Variants in NLGN4X observed in about 807,000 individuals in gnomAD.
NLGN4X encodes the protein neuroligin-4, X-linked.
NLGN4X carries 3 observed loss-of-function variants against 40.3 expected under a neutral mutation model. The observed-to-expected ratio is 0.07, with a 90% confidence interval of 0.03 to 0.19. The LOEUF is 0.19. Among genes scored for constraint, NLGN4X ranks in the 10% least tolerant of loss-of-function variants. The pLI, the probability that NLGN4X is intolerant of heterozygous loss-of-function variation, is 1.00. For missense variants in NLGN4X, 382 were observed against 708.3 expected, an observed-to-expected ratio of 0.54 and a Z score of 5.23; for synonymous variants, 270 against 306.8, an observed-to-expected ratio of 0.88 and a Z score of 1.25.
chrX:5,928,111 C>A (rs2033399855), intron 3 of NLGN4X, among the ~76,000 whole-genome samples: 1 of 112,251 alleles, frequency 8.9e-6, no homozygotes, highest in Non-Finnish European at 1.9e-5. Context: ...TGCGTCTAAA[C>A]TTTTCAGAAT....
At chrX:6,209,825 A>T (rs777322623) in intron 1 of NLGN4X, among the ~76,000 whole-genome samples, 2 of 111,794 alleles carry the variant, frequency 1.8e-5, no homozygotes, top group East Asian at 5.7e-4. Context: ...AACTGTATAG[A>T]TTAGATTAGT....
At chrX:6,037,039 G>A (rs761179484) in intron 2 of NLGN4X, among the ~76,000 whole-genome samples, 8 of 111,295 alleles carry the variant, frequency 7.2e-5, no homozygotes, top group African/African-American at 1.6e-4. Context: ...TGATATGGGC[G>A]CGGTGGCTCA....
intron 3 of NLGN4X, among the ~76,000 whole-genome samples, chrX:5,976,019 A>T (rs557007509): frequency 1.8e-5 from 2 of 111,680 alleles, no homozygotes; most frequent in African/African-American, 3.3e-5. Flanking sequence ...TATTGAGCCT[A>T]CAACTGAAAT....
intron 2 of NLGN4X, among the ~76,000 whole-genome samples, chrX:6,074,602 A>G (rs941500428): frequency 4.5e-5 from 5 of 112,090 alleles, no homozygotes; most frequent in African/African-American, 1.6e-4. Flanking sequence ...GGTACTTTGC[A>G]TATCTGAGTT....
intron 5 of NLGN4X, among the ~76,000 whole-genome samples, chrX:5,901,509 T>A (rs561308536): frequency 2.9e-4 from 32 of 111,561 alleles, no homozygotes; most frequent in Middle Eastern, 4.6e-3. Context: ...GCTATTTAGG[T>A]TGTTTTGGGT....
chrX:5,983,846 T>C (rs1240729942), intron 3 of NLGN4X, among the ~76,000 whole-genome samples: 1 of 111,876 alleles, frequency 8.9e-6, no homozygotes, highest in Non-Finnish European at 1.9e-5. Context: ...CTCAGGAGGC[T>C]GAGGCAGGAG....
chrX:6,071,982 A>G (rs1017597510), intron 2 of NLGN4X, among the ~76,000 whole-genome samples: 6 of 110,177 alleles, frequency 5.4e-5, no homozygotes, highest in Admixed American at 9.6e-5. Flanking sequence ...AGTGCCAAAA[A>G]CACTCCATAG....
intron 1 of NLGN4X, among the ~76,000 whole-genome samples, chrX:6,173,583 C>T (rs964168013): frequency 1.8e-5 from 2 of 112,375 alleles, no homozygotes; most frequent in Non-Finnish European, 3.8e-5. Context: ...TACCTCACAC[C>T]CAGAAGGAAT....
intron 1 of NLGN4X, among the ~76,000 whole-genome samples, chrX:6,153,229 T>C (rs1358424334): frequency 9.0e-6 from 1 of 111,205 alleles, no homozygotes; most frequent in East Asian, 2.8e-4. Flanking sequence ...AAATAAAACA[T>C]ATTGGAGCTG....
intron 3 of NLGN4X, among the ~76,000 whole-genome samples, chrX:5,940,330 T>C (rs1189175052): frequency 8.9e-6 from 1 of 112,031 alleles, no homozygotes; most frequent in East Asian, 2.8e-4. Flanking sequence ...TCTTAAAATT[T>C]GTGTTTTAGT....
intron 2 of NLGN4X, among the ~76,000 whole-genome samples, chrX:6,082,952 TTTTC>T (rs200580299): frequency 0.013 from 813 of 63,526 alleles, 55 homozygotes; most frequent in African/African-American, 0.018. Context: ...TGATGCGTTT[TTTTC>T]TTTTTTTTTT....
chrX:6,048,771 A>T (rs1398408205), intron 2 of NLGN4X, among the ~76,000 whole-genome samples: 1 of 108,048 alleles, frequency 9.3e-6, no homozygotes, highest in Non-Finnish European at 1.9e-5. Flanking sequence ...ACATGTTCTC[A>T]CGTATAAGTG....
intron 1 of NLGN4X, among the ~76,000 whole-genome samples, chrX:6,182,730 C>T (rs1274782087): frequency 9.0e-6 from 1 of 111,548 alleles, no homozygotes; most frequent in Non-Finnish European, 1.9e-5. Context: ...TGACCTGCCA[C>T]AACAGCTAAG....
Position 6,151,479 on chromosome X carries a change from C to G in NLGN4X, c.-13G>C. ...GGGGCCGTGACATGGTTCAAATCTGCATCCACATCCACAGCTGTCCCAGTG... is the reference window on the plus strand; with the variant it reads ...GGGGCCGTGACATGGTTCAAATCTGGATCCACATCCACAGCTGTCCCAGTG... On this transcript the variant is annotated 5_prime_UTR_variant, in exon 2 of 6. It removes an upstream start codon present in the reference 5' UTR. Coordinates refer to ENST00000381095, the MANE Select transcript of NLGN4X (RefSeq NM_181332.3). The G allele has an allele frequency of 1.7e-6, 2 of 1,172,236 alleles. No individual in the cohort carries two copies. The highest frequency in any genetic ancestry group is 2.3e-6 in the Non-Finnish European group (2 of 859,978).
chrX:5,965,166 C>T (rs1042755292), intron 3 of NLGN4X, among the ~76,000 whole-genome samples: 1 of 111,942 alleles, frequency 8.9e-6, no homozygotes, highest in Non-Finnish European at 1.9e-5. Context: ...ACCTGTCATA[C>T]ACACACAATG....
At chrX:5,962,850 G>A (rs2034706331) in intron 3 of NLGN4X, among the ~76,000 whole-genome samples, 1 of 111,932 alleles carries the variant, frequency 8.9e-6, no homozygotes, top group Non-Finnish European at 1.9e-5. Flanking sequence ...GTTGTCAACA[G>A]AGACTGAATC....
intron 2 of NLGN4X, among the ~76,000 whole-genome samples, chrX:6,034,906 C>T (rs1375459850): frequency 9.0e-6 from 1 of 110,816 alleles, no homozygotes; most frequent in African/African-American, 3.3e-5. Flanking sequence ...ATGGGTCTTG[C>T]CCTGTTGGCC....
chrX:6,180,449 C>G (rs889324168), intron 1 of NLGN4X, among the ~76,000 whole-genome samples: 29 of 111,202 alleles, frequency 2.6e-4, no homozygotes, highest in African/African-American at 9.5e-4. Flanking sequence ...GCTCACTCCC[C>G]CTTTACCTTC....
intron 3 of NLGN4X, among the ~76,000 whole-genome samples, chrX:5,922,271 G>A (rs2033100152): frequency 9.0e-6 from 1 of 110,890 alleles, no homozygotes. Context: ...ATAGGTTCTC[G>A]TGTTCCATAG....
Sources: allele counts gnomAD v4.1 joint callset (sites outside exome capture counted in the v4.1 genomes callset), GRCh38; gene constraint gnomAD v4.1.1; transcripts MANE v1.5; gene names NCBI Gene and HGNC (gene_info 2026-07-23, HGNC 2026-07-21).